ADGRB3: variants seen among roughly 807,000 people sequenced by gnomAD.
The protein encoded by ADGRB3 is brain-specific angiogenesis inhibitor 3.
In ADGRB3, 37 loss-of-function variants were observed where a neutral mutation model predicts 193.4. The observed-to-expected ratio is 0.19, with a 90% CI of 0.15 to 0.25. The LOEUF (loss-of-function observed/expected upper bound fraction) is 0.25. Ranked by LOEUF, ADGRB3 falls within the 10% of genes least tolerant of loss-of-function variation. The probability of loss-of-function intolerance (pLI) is 1.00; values close to 1 mark genes in which losing one functional copy is unlikely to be tolerated. For synonymous variants in ADGRB3, 690 were observed against 644.2 expected, an observed-to-expected ratio of 1.07 and a Z score of -1.08; for missense variants, 1,637 against 1,852.9, an observed-to-expected ratio of 0.88 and a Z score of 2.14.
intron 20 of ADGRB3, among the ~76,000 whole-genome samples, chr6:69,274,897 A>G (rs1561973824): frequency 6.6e-6 from 1 of 152,114 alleles, no homozygotes; most frequent in Admixed American, 6.6e-5. Context: ...AGTCTTAGAA[A>G]TGTACTGATG....
At chr6:68,663,259 C>T (rs919116344) in intron 3 of ADGRB3, among the ~76,000 whole-genome samples, 85 of 151,438 alleles carry the variant, frequency 5.6e-4, no homozygotes, top group South Asian at 2.1e-4. Flanking sequence ...TAGTACTCTG[C>T]TCCATTAGAC....
At chr6:68,920,499 A>G (rs1046554854) in intron 3 of ADGRB3, among the ~76,000 whole-genome samples, 2 of 140,018 alleles carry the variant, frequency 1.4e-5, no homozygotes, top group African/African-American at 2.7e-5. Context: ...CCTCGGCGAC[A>G]GAGACTCTGT....
At chr6:69,207,828 T>A (rs986734510) in intron 17 of ADGRB3, among the ~76,000 whole-genome samples, 4 of 152,138 alleles carry the variant, frequency 2.6e-5, no homozygotes, top group Non-Finnish European at 5.9e-5. Context: ...CAATGTTGTG[T>A]GGTATACCAT....
chr6:69,353,592 A>G (rs998606083), intron 26 of ADGRB3, among the ~76,000 whole-genome samples: 1 of 152,240 alleles, frequency 6.6e-6, no homozygotes, highest in Non-Finnish European at 1.5e-5. Flanking sequence ...CTTAAAAGAC[A>G]CACATATTAC....
chr6:68,958,870 A>AAATT (rs1554227911), intron 8 of ADGRB3, among the ~76,000 whole-genome samples: 3 of 147,338 alleles, frequency 2.0e-5, no homozygotes, highest in African/African-American at 5.1e-5. Flanking sequence ...AAAGAAAAAT[A>AAATT]GTGTGTGTGT....
At chr6:68,969,082 C>T (rs1052802044) in intron 8 of ADGRB3, among the ~76,000 whole-genome samples, 2 of 151,714 alleles carry the variant, frequency 1.3e-5, no homozygotes, top group Non-Finnish European at 2.9e-5. Context: ...ATACTGTATA[C>T]TAGATACCAC....
intron 3 of ADGRB3, among the ~76,000 whole-genome samples, chr6:68,679,017 C>T (rs1014874562): frequency 1.3e-5 from 2 of 151,986 alleles, no homozygotes; most frequent in African/African-American, 4.8e-5. Flanking sequence ...ATTTCTTATC[C>T]TATTTTACTG....
chr6:69,005,999 G>T (rs1187505431), intron 11 of ADGRB3, among the ~76,000 whole-genome samples: 1 of 152,130 alleles, frequency 6.6e-6, no homozygotes, highest in Non-Finnish European at 1.5e-5. Context: ...TGGATAAAAG[G>T]TCTCAACCAT....
intron 3 of ADGRB3, among the ~76,000 whole-genome samples, chr6:68,792,915 C>T (rs946661830): frequency 6.6e-6 from 1 of 152,184 alleles, no homozygotes; most frequent in Non-Finnish European, 1.5e-5. Context: ...CCTGGTCATA[C>T]ACAGTTGTTT....
intron 16 of ADGRB3, among the ~76,000 whole-genome samples, chr6:69,071,191 C>A (rs1400871071): frequency 6.6e-6 from 1 of 152,160 alleles, no homozygotes; most frequent in East Asian, 1.9e-4. Flanking sequence ...CTTCTGACTT[C>A]TGCACTTTGT....
chr6:69,352,182 C>A lies in ADGRB3; in HGVS notation c.3460-2051C>A, dbSNP rs73748506. ...AAAAAGTAATGATCTGACAAAGACTCATTACCAATTTTCGATTACTAATGT... is the reference window on the plus strand; with the variant it reads ...AAAAAGTAATGATCTGACAAAGACTAATTACCAATTTTCGATTACTAATGT... On this transcript the variant is annotated intron_variant, in intron 26 of 31. Transcript: ENST00000370598. Among the ~76,000 whole-genome samples, 185 of 152,276 alleles carry A rather than the reference C, an allele frequency of 1.2e-3. 1 individual carries two copies. Among genetic ancestry groups the A allele is most frequent in the African/African-American group, 4.2e-3 (174 of 41,554 alleles).
intron 6 of ADGRB3, among the ~76,000 whole-genome samples, chr6:68,953,685 A>G (rs1767991816): frequency 6.6e-6 from 1 of 152,230 alleles, no homozygotes; most frequent in Non-Finnish European, 1.5e-5. Flanking sequence ...AATTACATTA[A>G]TGGAATGATT....
At chr6:68,660,170 G>T (rs1021448637) in intron 3 of ADGRB3, among the ~76,000 whole-genome samples, 3 of 150,434 alleles carry the variant, frequency 2.0e-5, no homozygotes, top group Admixed American at 6.7e-5. Context: ...AATTAATGTT[G>T]AGTTGACTAG....
In ADGRB3 at chr6:69,378,485, A is replaced by C. The variant is rs573526788; in HGVS notation, c.4276-4346A>C. Among the ~76,000 whole-genome samples the C allele has an allele frequency of 2.0e-5, 3 of 152,134 alleles. No homozygotes were observed. In the South Asian group the frequency reaches 6.2e-4, roughly 32 times the overall value. On this transcript the variant is annotated intron_variant, in intron 30 of 31. Coordinates refer to ENST00000370598, the MANE Select transcript of ADGRB3 (RefSeq NM_001704.3). ...TTGAGCTTCAGTTTTCTAATCAGTA[A>C]AGTGGAGATAATGGCTTTACCTCCC...
At chr6:68,773,843 T>C (rs1016713842) in intron 3 of ADGRB3, among the ~76,000 whole-genome samples, 7 of 151,980 alleles carry the variant, frequency 4.6e-5, no homozygotes, top group East Asian at 1.9e-4. Flanking sequence ...AGATGTAAGA[T>C]AGAAGAAGAA....
At chr6:69,197,895 T>C (rs1765335144) in intron 17 of ADGRB3, among the ~76,000 whole-genome samples, 1 of 152,076 alleles carries the variant, frequency 6.6e-6, no homozygotes, top group Non-Finnish European at 1.5e-5. Flanking sequence ...ATCCACTTAG[T>C]TCTATTCTTT....
At chr6:68,820,747 A>G (rs1178715847) in intron 3 of ADGRB3, among the ~76,000 whole-genome samples, 2 of 151,932 alleles carry the variant, frequency 1.3e-5, no homozygotes, top group Non-Finnish European at 2.9e-5. Context: ...GTATGCATGC[A>G]TGTATATTTT....
intron 3 of ADGRB3, among the ~76,000 whole-genome samples, chr6:68,900,344 A>G (rs1185482549): frequency 2.6e-5 from 4 of 152,136 alleles, no homozygotes; most frequent in Non-Finnish European, 5.9e-5. Flanking sequence ...ACAGGTCTGT[A>G]GAGATTCAAA....
chr6:68,931,249 C>G (rs969922915), intron 4 of ADGRB3, among the ~76,000 whole-genome samples: 1 of 151,906 alleles, frequency 6.6e-6, no homozygotes, highest in African/African-American at 2.4e-5. Context: ...CCTAAACTGA[C>G]TTTCTACTTT....
Sources: gnomAD v4.1 joint callset for allele counts (sites outside exome capture counted in the v4.1 genomes callset) on GRCh38, gnomAD v4.1.1 for gene constraint, MANE v1.5 for transcripts, NCBI Gene and HGNC (gene_info 2026-07-23, HGNC 2026-07-21) for gene names.